Variants in AGBL4 observed in about 807,000 individuals in gnomAD.
AGBL4 encodes the protein cytosolic carboxypeptidase 6.
In AGBL4, 58 loss-of-function variants were observed where a neutral mutation model predicts 66.4. The ratio of observed to expected loss-of-function variants is 0.87; its 90% CI spans 0.71 to 1.09. The LOEUF is 1.09. Among genes scored for constraint, AGBL4 ranks in the 50% least tolerant of loss-of-function variants. The pLI, the probability that AGBL4 is intolerant of heterozygous loss-of-function variation, is 0.00. For synonymous variants in AGBL4, 234 were observed against 222.9 expected, an observed-to-expected ratio of 1.05 and a Z score of -0.44; for missense variants, 579 against 631.0, an observed-to-expected ratio of 0.92 and a Z score of 0.88.
chr1:48,552,005 A>C (rs1213434506), intron 11 of AGBL4, among the ~76,000 whole-genome samples: 1 of 152,178 alleles, frequency 6.6e-6, no homozygotes, highest in Non-Finnish European at 1.5e-5. Flanking sequence ...TTTGGACTTC[A>C]GACCACATTA....
intron 5 of AGBL4, among the ~76,000 whole-genome samples, chr1:48,882,777 C>T (rs1001233501): frequency 2.6e-5 from 4 of 152,136 alleles, no homozygotes; most frequent in African/African-American, 9.7e-5. Flanking sequence ...TCCCCAACCC[C>T]CATCCCCAGC....
chr1:49,189,457 G>T (rs572848439), intron 4 of AGBL4, among the ~76,000 whole-genome samples: 1 of 152,150 alleles, frequency 6.6e-6, no homozygotes, highest in South Asian at 2.1e-4. Context: ...GATAGAGTTT[G>T]TTGAGTAGTG....
At chr1:48,871,361 G>GTGTGTGTGTGTGTT (rs1648643415) in intron 5 of AGBL4, among the ~76,000 whole-genome samples, 1 of 150,588 alleles carries the variant, frequency 6.6e-6, no homozygotes, top group African/African-American at 2.5e-5. Flanking sequence ...GGTTGTGTGT[G>GTGTGTGTGTGTGTT]TGTGTGTGTG....
intron 1 of AGBL4, among the ~76,000 whole-genome samples, chr1:49,883,556 C>T (rs1647665473): frequency 6.6e-6 from 1 of 152,014 alleles, no homozygotes; most frequent in South Asian, 2.1e-4. Context: ...CTATGTATGA[C>T]ATAATGCTTG....
chr1:48,625,435 A>G (rs1348194220), intron 9 of AGBL4, among the ~76,000 whole-genome samples: 3 of 152,130 alleles, frequency 2.0e-5, no homozygotes, highest in Non-Finnish European at 4.4e-5. Flanking sequence ...AAAATAACCA[A>G]TGCTAAGGCT....
intron 5 of AGBL4, among the ~76,000 whole-genome samples, chr1:49,025,976 A>T (rs1416491623): frequency 6.6e-6 from 1 of 152,096 alleles, no homozygotes; most frequent in African/African-American, 2.4e-5. Flanking sequence ...TATGTCATCT[A>T]TTTCAAGTGT....
chr1:49,030,753 G>A (rs1049891697), intron 5 of AGBL4, among the ~76,000 whole-genome samples: 9 of 151,308 alleles, frequency 5.9e-5, no homozygotes, highest in Non-Finnish European at 1.0e-4. Flanking sequence ...CAAAAAGGTT[G>A]GGGACCGTTG....
chr1:49,732,945 A>G (rs1649568109), intron 2 of AGBL4, among the ~76,000 whole-genome samples: 1 of 152,192 alleles, frequency 6.6e-6, no homozygotes, highest in Non-Finnish European at 1.5e-5. Context: ...ATAAAGAGAC[A>G]TAAACCTAGA....
At chr1:49,935,049 T>C (rs1346273960) in intron 1 of AGBL4, among the ~76,000 whole-genome samples, 1 of 152,186 alleles carries the variant, frequency 6.6e-6, no homozygotes, top group Non-Finnish European at 1.5e-5. Context: ...ACTCGGGAAG[T>C]GCAAGGGGTC....
chr1:49,418,131 C>A (rs537531916), intron 3 of AGBL4, among the ~76,000 whole-genome samples: 1 of 152,262 alleles, frequency 6.6e-6, no homozygotes, highest in African/African-American at 2.4e-5. Context: ...CTTTGGGTAG[C>A]TCTGCAGTTT....
intron 3 of AGBL4, among the ~76,000 whole-genome samples, chr1:49,462,272 T>C (rs1177356943): frequency 2.0e-5 from 3 of 151,776 alleles, no homozygotes; most frequent in Non-Finnish European, 4.4e-5. Flanking sequence ...TTATTTACTG[T>C]GCATTTGAAC....
intron 1 of AGBL4, among the ~76,000 whole-genome samples, chr1:49,940,860 A>T (rs557671863): frequency 4.6e-5 from 7 of 152,282 alleles, no homozygotes; most frequent in South Asian, 2.1e-4. Context: ...ATAATAATAA[A>T]AAAAATAGAA....
intron 4 of AGBL4, among the ~76,000 whole-genome samples, chr1:49,201,644 C>A (rs1647708042): frequency 1.3e-5 from 2 of 152,232 alleles, no homozygotes; most frequent in East Asian, 1.9e-4. Flanking sequence ...CATGCCAGAT[C>A]TTTAAAAAAC....
Position 49,244,906 on chromosome 1 carries a change from C to T in AGBL4, c.377+864G>A, listed in dbSNP as rs368926613. Among the ~76,000 whole-genome samples, 214 of 151,792 alleles carry T rather than the reference C, an allele frequency of 1.4e-3. 2 individuals carry two copies. The highest frequency in any genetic ancestry group is 9.6e-3 in the South Asian group (46 of 4,816). ...TTCATTTTGTTGTACTCAATCAATACTTGCTGAATGAATAAATGAATGAAT... is the reference window on the plus strand; with the variant it reads ...TTCATTTTGTTGTACTCAATCAATATTTGCTGAATGAATAAATGAATGAAT... On this transcript the variant is annotated intron_variant, in intron 4 of 13. Coordinates refer to ENST00000371839, the MANE Select transcript of AGBL4 (RefSeq NM_032785.4).
intron 4 of AGBL4, among the ~76,000 whole-genome samples, chr1:49,131,271 G>C (rs1228951853): frequency 6.6e-6 from 1 of 152,046 alleles, no homozygotes; most frequent in Admixed American, 6.6e-5. Context: ...AGGCACAAAA[G>C]GACTTTTGGG....
chr1:49,469,686 A>G (rs1030010802), intron 3 of AGBL4: 4 of 151,936 alleles, frequency 2.6e-5, no homozygotes, highest in Non-Finnish European at 4.4e-5. Flanking sequence ...AAATTTACAG[A>G]AAGTTAAAAT....
chr1:49,321,308 A>T (rs973215346), intron 3 of AGBL4, among the ~76,000 whole-genome samples: 1 of 152,224 alleles, frequency 6.6e-6, no homozygotes, highest in Non-Finnish European at 1.5e-5. Context: ...TTTCTAAGTT[A>T]AATTTAAAAA....
chr1:49,597,541 G>C (rs1020255654), intron 3 of AGBL4, among the ~76,000 whole-genome samples: 10 of 152,188 alleles, frequency 6.6e-5, no homozygotes, highest in African/African-American at 1.9e-4. Flanking sequence ...ACATTCATCA[G>C]GTTGGAATAA....
At chr1:49,683,175 C>G (rs1024731894) in intron 3 of AGBL4, among the ~76,000 whole-genome samples, 6 of 152,180 alleles carry the variant, frequency 3.9e-5, no homozygotes, top group Non-Finnish European at 8.8e-5. Flanking sequence ...GGTTCAGGTA[C>G]AAATTCAGGC....
Sources: gnomAD v4.1 joint callset for allele counts (sites outside exome capture counted in the v4.1 genomes callset) on GRCh38, gnomAD v4.1.1 for gene constraint, MANE v1.5 for transcripts, NCBI Gene and HGNC (gene_info 2026-07-23, HGNC 2026-07-21) for gene names.